PFDN6: variants seen among roughly 807,000 people sequenced by gnomAD.
The protein encoded by PFDN6 is HLA class II region expressed gene KE2.
Under a neutral mutation model 19.3 loss-of-function variants are expected in PFDN6, and 5 were observed. The observed-to-expected ratio is 0.26, with a 90% CI of 0.14 to 0.55. The LOEUF (loss-of-function observed/expected upper bound fraction) is 0.55, where lower values mean the gene tolerates loss of function less well. Ranked by LOEUF, PFDN6 falls within the 20% of genes least tolerant of loss-of-function variation. PFDN6 has a pLI of 0.94. For missense variants in PFDN6, 101 were observed against 149.4 expected (o/e 0.68, Z 1.69); for synonymous variants, 51 against 63.4 (o/e 0.80, Z 0.93).
Position 33,290,771 on chromosome 6 carries a change from G to T in PFDN6, c.316G>T (p.Glu106Ter). 1.2e-6 allele frequency: 2 copies of T among 1,610,660 alleles called. No homozygotes were observed. Among genetic ancestry groups the T allele is most frequent in the Non-Finnish European group, 1.7e-6 (2 of 1,179,914 alleles). Residue 106 changes from glutamate to a stop codon, truncating the protein, a stop_gained, in exon 4 of 4, where the codon GAG (glutamate) becomes TAG (stop). Coordinates refer to ENST00000374606, the MANE Select transcript of PFDN6 (RefSeq NM_001185181.3). LOFTEE classifies it high-confidence loss of function. ...DLERQSEQQRETLAQLQQEFQ... is the reference protein window; with the variant it reads ...DLERQSEQQR ...TGAGCGGCAGTCAGAGCAACAGAGGGAGACCCTTGCTCAGCTGCAGCAGGA... is the reference window on the plus strand; with the variant it reads ...TGAGCGGCAGTCAGAGCAACAGAGGTAGACCCTTGCTCAGCTGCAGCAGGA...
intron 3 of PFDN6, 69 bp downstream of exon 3, chr6:33,290,519 G>C: frequency 2.6e-6 from 4 of 1,518,582 alleles, no homozygotes; most frequent in Non-Finnish European, 3.5e-6. Flanking sequence ...TAGAGGTGTT[G>C]AACCATTGCA....
chr6:33,289,358 C>A, upstream of PFDN6: 3 of 1,338,968 alleles, frequency 2.2e-6, no homozygotes, highest in South Asian at 2.1e-5. Context: ...GGCACCTTAT[C>A]GCGAGCGGCA....
At chr6:33,289,248 C>T, upstream of PFDN6, 2 of 1,550,558 alleles carry the variant, frequency 1.3e-6, no homozygotes, top group Non-Finnish European at 8.7e-7. Flanking sequence ...TCCCGGAAGC[C>T]CTCTGTCCTT....
Position 33,290,854 on chromosome 6 carries a change from TG to T in PFDN6, c.*15del, listed in dbSNP as rs765940129. On this transcript the variant is annotated 3_prime_UTR_variant, in exon 4 of 4. Transcript: ENST00000374606. ...CTCCTGGCAAGGCCTGACCCCATGG[TG>T]GGGGGAGGGGAGGGGAGGGGAGGGA... The T allele has an allele frequency of 2.9e-6, 4 of 1,370,756 alleles. No homozygotes were observed. The highest frequency in any genetic ancestry group is 2.0e-6 in the Non-Finnish European group (2 of 994,212). The allele number at this position is 1,370,756 out of a possible 1,614,324, so 84.9% of individuals were successfully genotyped here. A position where few individuals can be genotyped will look rare whatever the true frequency, so the allele number is the denominator to read the frequency against.
At position 33,289,747 on chromosome 6, in the gene PFDN6, C is replaced by T; in HGVS notation, c.-110C>T. The T allele has an allele frequency of 1.1e-6, 1 of 890,756 alleles. No individual in the cohort carries two copies. The highest frequency in any genetic ancestry group is 1.7e-6 in the Non-Finnish European group (1 of 587,538). 55.2% of individuals were successfully genotyped at this position (890,756 alleles called of 1,614,324 possible). A position where few individuals can be genotyped will look rare whatever the true frequency, so the allele number is the denominator to read the frequency against. ...TGCGGTGCCCCTCAGGGCTACCTCT[C>T]AAGAGTGCTATCATTTCCGCAGGCC... On this transcript the variant is annotated 5_prime_UTR_variant, in exon 1 of 4. Transcript: ENST00000374606.
chr6:33,290,275 G>C (rs1767213947), intron 2 of PFDN6, 31 bp downstream of exon 2: 1 of 1,613,992 alleles, frequency 6.2e-7, no homozygotes, highest in South Asian at 1.1e-5. Flanking sequence ...GGGCGAGGAG[G>C]GACCTGTACT....
rs201467869 is a variant in PFDN6, at chr6:33,290,213, C to G, written c.104C>G (p.Ala35Gly). Reference sequence around the variant, plus strand: ...ATGTCGGGGAGGCAGAAACTTGAAGCACAACTAACAGAAAATAATATCGTG... The same window carrying G: ...ATGTCGGGGAGGCAGAAACTTGAAGGACAACTAACAGAAAATAATATCGTG... ...KSMSGRQKLE[A>G]QLTENNIVKE... The change falls in exon 2 of 4, where the codon GCA becomes GGA. Residue 35 changes from alanine to glycine, a missense_variant. Transcript: ENST00000374606. 6.8e-6 allele frequency: 11 copies of G among 1,614,182 alleles called. No individual in the cohort carries two copies. The highest frequency in any genetic ancestry group is 9.3e-6 in the Non-Finnish European group (11 of 1,180,038).
At position 33,289,609 on chromosome 6, in the gene PFDN6, T is replaced by A; in HGVS notation, c.-248T>A. 1.6e-6 allele frequency: 1 copy of A among 621,224 alleles called. No homozygotes were observed. Among genetic ancestry groups the A allele is most frequent in the African/African-American group, 1.9e-5 (1 of 52,532 alleles). 38.5% of individuals were successfully genotyped at this position (621,224 alleles called of 1,614,324 possible). On this transcript the variant is annotated 5_prime_UTR_variant, in exon 1 of 4. Transcript: ENST00000374606. ...TGTTTACTTCCGGGTTTATTACTAC[T>A]GAAGGAAGAACGTGAGTAGGTTAGG...
intron 3 of PFDN6, 118 bp downstream of exon 3, chr6:33,290,568 T>G: frequency 6.8e-7 from 1 of 1,466,268 alleles, no homozygotes; most frequent in Non-Finnish European, 9.2e-7. Context: ...CTCCAGTTCC[T>G]CCAACCCTTT....
chr6:33,290,167 T>C lies in PFDN6; in HGVS notation c.65-7T>C, dbSNP rs1767197675. ...TGTTTCTAAATTGCCTTTCCTCTCA[T>C]CCCCAGACTTAAGTAAATCCATGTC... On this transcript the variant is annotated splice_region_variant and splice_polypyrimidine_tract_variant and intron_variant, in intron 1 of 3. Transcript: ENST00000374606. 1.2e-6 allele frequency: 2 copies of C among 1,614,088 alleles called. No homozygotes were observed. Among genetic ancestry groups the C allele is most frequent in the Non-Finnish European group, 1.7e-6 (2 of 1,179,952 alleles).
At chr6:33,290,292 G>C in intron 2 of PFDN6, 34 bp from the exon 3 acceptor site, 2 of 1,613,816 alleles carry the variant, frequency 1.2e-6, no homozygotes, top group Non-Finnish European at 1.7e-6. Context: ...TACTAGCCAT[G>C]GTTCTGATCA....
intron 3 of PFDN6, 119 bp downstream of exon 3, chr6:33,290,569 C>G: frequency 1.4e-6 from 2 of 1,465,732 alleles, no homozygotes; most frequent in Non-Finnish European, 9.2e-7. Flanking sequence ...TCCAGTTCCT[C>G]CAACCCTTTC....
rs1380608539 is a variant in PFDN6, at chr6:33,290,379, G to T, written c.189G>T (p.Val63=). The change falls in exon 3 of 4, where the codon GTG becomes GTT. Residue 63 remains valine (V), a synonymous_variant. Transcript: ENST00000374606. The part of the protein sequence containing the change: ...SNVVFKLLGP[V]LVKQELGEAR... ...TGGTCTTTAAACTTCTGGGTCCGGT[G>T]CTAGTCAAACAGGAGCTGGGGGAGG... The T allele has an allele frequency of 6.8e-6, 11 of 1,608,258 alleles. No homozygotes were observed. In the African/African-American group the frequency reaches 1.2e-4, roughly 18 times the overall value.
upstream of PFDN6, chr6:33,289,303 T>C: frequency 1.4e-6 from 2 of 1,461,918 alleles, no homozygotes; most frequent in Non-Finnish European, 1.8e-6. Flanking sequence ...CTAGGTGCCA[T>C]CTTGAGTGAG....
chr6:33,290,831 C>A lies in PFDN6; in HGVS notation c.376C>A (p.Pro126Thr). 6.2e-7 allele frequency: 1 copy of A among 1,600,266 alleles called. No homozygotes were observed. The highest frequency in any genetic ancestry group is 8.5e-7 in the Non-Finnish European group (1 of 1,179,204). The change falls in exon 4 of 4, where the codon CCT (proline) becomes ACT (threonine). Residue 126 changes from proline to threonine, a missense_variant. Pro to Thr is a conservative substitution (Grantham distance 38). This residue lies in a region of PFDN6 where 47 missense variants were observed against 40.6 expected (regional missense o/e 1.16). Coordinates refer to ENST00000374606, the MANE Select transcript of PFDN6 (RefSeq NM_001185181.3). ...QRAQAAKAGA[P>T]GKA ...GGCCCAGGCAGCAAAGGCAGGGGCT[C>A]CTGGCAAGGCCTGACCCCATGGTGG...
Position 33,290,856 on chromosome 6 carries a change from GGGGGAGGGGA to G in PFDN6, c.*25_*34del, listed in dbSNP as rs759486569. ...CCTGGCAAGGCCTGACCCCATGGTG[GGGGGAGGGGA>G]GGGGAGGGGAGGGAATGAGGCAGCT... On this transcript the variant is annotated 3_prime_UTR_variant, in exon 4 of 4. Transcript: ENST00000374606. 76 of 1,589,362 alleles carry G rather than the reference GGGGGAGGGGA, an allele frequency of 4.8e-5. No individual in the cohort carries two copies. The highest frequency in any genetic ancestry group is 2.0e-4 in the African/African-American group (15 of 74,582).
Position 33,290,902 on chromosome 6 carries a change from T to G in PFDN6, c.*57T>G. 4.1e-6 allele frequency: 6 copies of G among 1,459,092 alleles called. No homozygotes were observed. The highest frequency in any genetic ancestry group is 2.2e-4 in the Middle Eastern group (1 of 4,480). The allele number at this position is 1,459,092 out of a possible 1,614,324, so 90.4% of individuals were successfully genotyped here. A position where few individuals can be genotyped will look rare whatever the true frequency, so the allele number is the denominator to read the frequency against. On this transcript the variant is annotated 3_prime_UTR_variant, in exon 4 of 4. Coordinates refer to ENST00000374606, the MANE Select transcript of PFDN6 (RefSeq NM_001185181.3). ...GGGAATGAGGCAGCTCTAGGATCTA[T>G]ACTGTAGCTAATAAAATGTAAAAAC...
chr6:33,289,221 A>G (rs1409680213), upstream of PFDN6: 3 of 1,578,896 alleles, frequency 1.9e-6, no homozygotes, highest in Non-Finnish European at 2.6e-6. Flanking sequence ...CAGCTGCCAC[A>G]CAGTCGGCTT....
rs575426571 is a variant in PFDN6, at chr6:33,289,633, G to T, written c.-224G>T. On this transcript the variant is annotated 5_prime_UTR_variant, in exon 1 of 4. The change creates a new upstream start codon in the 5' untranslated region. Coordinates refer to ENST00000374606, the MANE Select transcript of PFDN6 (RefSeq NM_001185181.3). Reference sequence around the variant, plus strand: ...CTGAAGGAAGAACGTGAGTAGGTTAGGATTTCGGTTGAGAGGCTTGGGGTC... The same window carrying T: ...CTGAAGGAAGAACGTGAGTAGGTTATGATTTCGGTTGAGAGGCTTGGGGTC... The T allele has an allele frequency of 2.0e-4, 113 of 575,298 alleles. 2 individuals are homozygous for T. The highest frequency in any genetic ancestry group is 2.0e-3 in the African/African-American group (101 of 51,760). 35.6% of individuals were successfully genotyped at this position (575,298 alleles called of 1,614,324 possible). A position where few individuals can be genotyped will look rare whatever the true frequency, so the allele number is the denominator to read the frequency against.
Sources: gnomAD v4.1 joint callset for allele counts on GRCh38, gnomAD v4.1.1 for gene constraint, gnomAD v4.1.1 regional missense constraint, MANE v1.5 for transcripts, NCBI Gene and HGNC (gene_info 2026-07-23, HGNC 2026-07-21) for gene names.